Variants in PHACTR1 observed in about 807,000 individuals in gnomAD.
PHACTR1 encodes the protein phosphatase and actin regulator 1, also known as RPEL repeat containing 1.
A neutral mutation model predicts 69.2 loss-of-function variants in PHACTR1; 16 were observed. The observed-to-expected ratio is 0.23, with a 90% CI of 0.16 to 0.35. The LOEUF (loss-of-function observed/expected upper bound fraction) is 0.35. PHACTR1 is among the 10% of genes least tolerant of loss of function. PHACTR1 has a pLI of 1.00. For synonymous variants in PHACTR1, 312 were observed against 284.5 expected (o/e 1.10, Z -0.97); for missense variants, 510 against 734.7 (o/e 0.69, Z 3.54).
chr6:12,993,786 T>C (rs1052602502), intron 4 of PHACTR1, among the ~76,000 whole-genome samples: 1 of 152,194 alleles, frequency 6.6e-6, no homozygotes, highest in Non-Finnish European at 1.5e-5. Context: ...ATCCTGGAGC[T>C]AAAAGCGAAC....
intron 4 of PHACTR1, among the ~76,000 whole-genome samples, chr6:12,797,329 C>T (rs144499478): frequency 6.6e-6 from 1 of 152,258 alleles, no homozygotes; most frequent in East Asian, 1.9e-4. Context: ...GCATATTGTG[C>T]AGTGATTCAA....
chr6:13,098,475 C>T (rs1236034838), intron 5 of PHACTR1, among the ~76,000 whole-genome samples: 6 of 152,170 alleles, frequency 3.9e-5, no homozygotes, highest in Admixed American at 1.3e-4. Flanking sequence ...CTTCAACTAT[C>T]ATCTACCAGC....
At chr6:12,842,987 A>C (rs9369605) in intron 4 of PHACTR1, among the ~76,000 whole-genome samples, 28,220 of 152,010 alleles carry the variant, frequency 0.19, 2,788 homozygotes, top group African/African-American at 0.25. Context: ...TGACTTATCT[A>C]CCCTTTATAT....
At chr6:13,167,735 A>G (rs1286510525) in intron 6 of PHACTR1, among the ~76,000 whole-genome samples, 1 of 152,240 alleles carries the variant, frequency 6.6e-6, no homozygotes, top group African/African-American at 2.4e-5. Flanking sequence ...ACATTGAGGT[A>G]TGTTTTTTTC....
rs114968657 is a variant in PHACTR1, at chr6:12,839,752, T to C, written c.250+89962T>C. On this transcript the variant is annotated intron_variant, in intron 4 of 14. Coordinates refer to ENST00000332995, the MANE Select transcript of PHACTR1 (RefSeq NM_030948.6). ...ACACGGTTCGTTAAATTATAATGAA[T>C]GAAGTAAGATCAATTGTCTATGGCA... is the stretch of plus-strand genomic sequence containing the variant. Among the ~76,000 whole-genome samples, 1,191 of 152,282 alleles carry C rather than the reference T, an allele frequency of 7.8e-3. 20 individuals are homozygous for C. Among genetic ancestry groups the C allele is most frequent in the African/African-American group, 0.026 (1,084 of 41,562 alleles).
intron 8 of PHACTR1, among the ~76,000 whole-genome samples, chr6:13,207,138 T>G (rs772443924): frequency 1.3e-5 from 2 of 152,250 alleles, no homozygotes; most frequent in Non-Finnish European, 2.9e-5. Context: ...GAAAAATGTA[T>G]ACGTAGTCAT....
At chr6:12,805,320 G>T (rs1477705935) in intron 4 of PHACTR1, among the ~76,000 whole-genome samples, 1 of 152,124 alleles carries the variant, frequency 6.6e-6, no homozygotes, top group African/African-American at 2.4e-5. Context: ...TTTACTTGAG[G>T]TCATAATTCT....
intron 4 of PHACTR1, among the ~76,000 whole-genome samples, chr6:12,857,303 T>C (rs112409580): frequency 2.6e-5 from 4 of 152,144 alleles, no homozygotes; most frequent in Non-Finnish European, 4.4e-5. Context: ...TATACTTGCA[T>C]GCTCATTAGA....
chr6:13,057,979 T>A (rs563270830), intron 5 of PHACTR1, among the ~76,000 whole-genome samples: 2 of 152,244 alleles, frequency 1.3e-5, no homozygotes, highest in Non-Finnish European at 2.9e-5. Flanking sequence ...AAAACAGGAA[T>A]GGATGGAACA....
At chr6:13,051,509 C>T (rs1805940230) in intron 4 of PHACTR1, among the ~76,000 whole-genome samples, 1 of 152,218 alleles carries the variant, frequency 6.6e-6, no homozygotes. Flanking sequence ...CACCTAACGT[C>T]ACTGAGGCTC....
At chr6:13,024,556 A>G (rs905531846) in intron 4 of PHACTR1, among the ~76,000 whole-genome samples, 1 of 152,200 alleles carries the variant, frequency 6.6e-6, no homozygotes, top group Non-Finnish European at 1.5e-5. Flanking sequence ...CTGAAAAGTC[A>G]AACAGGCCAC....
chr6:13,228,133 C>T, intron 9 of PHACTR1, 70 bp downstream of exon 9: 1 of 1,505,876 alleles, frequency 6.6e-7, no homozygotes, highest in Non-Finnish European at 8.9e-7. Context: ...AGAGAGTGGA[C>T]CCAGCAGCCC....
At chr6:13,126,686 C>T (rs971150778) in intron 5 of PHACTR1, among the ~76,000 whole-genome samples, 3 of 152,184 alleles carry the variant, frequency 2.0e-5, no homozygotes, top group African/African-American at 7.2e-5. Context: ...AATATCGCAC[C>T]ACCTTATGTG....
At chr6:12,827,121 G>C (rs1776890272) in intron 4 of PHACTR1, among the ~76,000 whole-genome samples, 1 of 152,094 alleles carries the variant, frequency 6.6e-6, no homozygotes, top group Non-Finnish European at 1.5e-5. Flanking sequence ...AACCCATCTT[G>C]AGATAATGTT....
chr6:12,999,633 A>C (rs1309684674), intron 4 of PHACTR1, among the ~76,000 whole-genome samples: 1 of 152,176 alleles, frequency 6.6e-6, no homozygotes, highest in Non-Finnish European at 1.5e-5. Context: ...TGTTGCATTA[A>C]ATATAGAATG....
chr6:13,012,153 A>G (rs1222686233), intron 4 of PHACTR1, among the ~76,000 whole-genome samples: 1 of 152,260 alleles, frequency 6.6e-6, no homozygotes, highest in Non-Finnish European at 1.5e-5. Flanking sequence ...TCCTAACTCC[A>G]GAATGAAGAT....
intron 4 of PHACTR1, among the ~76,000 whole-genome samples, chr6:12,864,605 A>C: frequency 6.6e-6 from 1 of 151,894 alleles, no homozygotes; most frequent in East Asian, 1.9e-4. Flanking sequence ...GCGTGAACCC[A>C]GGAGGCGAAG....
intron 5 of PHACTR1, among the ~76,000 whole-genome samples, chr6:13,154,746 G>A (rs933580936): frequency 6.0e-5 from 9 of 150,928 alleles, no homozygotes; most frequent in African/African-American, 1.2e-4. Context: ...CCTGCCATCC[G>A]TCGGGCTGGT....
intron 6 of PHACTR1, among the ~76,000 whole-genome samples, chr6:13,169,596 G>A (rs780443983): frequency 1.3e-5 from 2 of 152,136 alleles, no homozygotes; most frequent in Non-Finnish European, 2.9e-5. Flanking sequence ...AAAATGTGTA[G>A]CATTATGGAA....
Sources: allele counts gnomAD v4.1 joint callset (sites outside exome capture counted in the v4.1 genomes callset), GRCh38; gene constraint gnomAD v4.1.1; transcripts MANE v1.5; gene names NCBI Gene and HGNC (gene_info 2026-07-23, HGNC 2026-07-21).